The following ARHGAP5 variants were observed in gnomAD, a reference collection of about 807,000 sequenced individuals.
The protein encoded by ARHGAP5 is Rho GTPase activating protein 5, also known as rho GTPase-activating protein 5.
ARHGAP5 carries 23 observed loss-of-function variants against 116.6 expected under a neutral mutation model. That is an observed-to-expected ratio of 0.20 (90% CI 0.14 to 0.28). The LOEUF is 0.28. ARHGAP5 is among the 10% of genes least tolerant of loss of function. The pLI, the probability that ARHGAP5 is intolerant of heterozygous loss-of-function variation, is 1.00. For synonymous variants in ARHGAP5, 574 were observed against 602.0 expected, an observed-to-expected ratio of 0.95 and a Z score of 0.68; for missense variants, 1,405 against 1,774.8, an observed-to-expected ratio of 0.79 and a Z score of 3.74.
At chr14:32,114,202 TG>T (rs1467882673) in intron 2 of ARHGAP5, among the ~76,000 whole-genome samples, 1 of 151,008 alleles carries the variant, frequency 6.6e-6, no homozygotes, top group Non-Finnish European at 1.5e-5. Context: ...CACTCCAGCC[TG>T]GGCCACAGAG....
chr14:32,095,259 G>A (rs1878463781), intron 2 of ARHGAP5, among the ~76,000 whole-genome samples: 1 of 152,054 alleles, frequency 6.6e-6, no homozygotes, highest in East Asian at 1.9e-4. Flanking sequence ...GATATTTTGA[G>A]TAAGCTTATT....
intron 3 of ARHGAP5, among the ~76,000 whole-genome samples, chr14:32,134,054 A>G (rs575447113): frequency 2.0e-5 from 3 of 152,294 alleles, no homozygotes; most frequent in South Asian, 4.1e-4. Flanking sequence ...CTTGATGAAC[A>G]TCAATGCAAA....
rs922383834 is a variant in ARHGAP5, at chr14:32,159,413, A to G, written c.*4465A>G. 1 of 151,926 alleles carries G rather than the reference A, an allele frequency of 6.6e-6. No homozygotes were observed. The highest frequency in any genetic ancestry group is 1.5e-5 in the Non-Finnish European group (1 of 67,960). The allele number at this position is 151,926 out of a possible 1,614,324, so 9.4% of individuals were successfully genotyped here. A position where few individuals can be genotyped will look rare whatever the true frequency, so the allele number is the denominator to read the frequency against. ...ATTTTAGTTAAGATTTAGTGTTTTA[A>G]CCTATTTTTTTAAGTTTATTTTTTG... On this transcript the variant is annotated 3_prime_UTR_variant, in exon 7 of 7. Transcript: ENST00000345122.
intron 1 of ARHGAP5, among the ~76,000 whole-genome samples, chr14:32,079,046 GGTAA>G (rs1352776280): frequency 2.0e-5 from 3 of 152,124 alleles, no homozygotes; most frequent in East Asian, 3.8e-4. Flanking sequence ...TACAAAGAGC[GGTAA>G]GTATGTGTCA....
chr14:32,128,382 A>C (rs7157301), intron 3 of ARHGAP5, among the ~76,000 whole-genome samples: 1 of 152,224 alleles, frequency 6.6e-6, no homozygotes, highest in Admixed American at 6.5e-5. Context: ...GCACTCCAGC[A>C]TGGGCTGGGC....
chr14:32,109,478 A>G (rs1232062460), intron 2 of ARHGAP5, among the ~76,000 whole-genome samples: 2 of 151,976 alleles, frequency 1.3e-5, no homozygotes, highest in Non-Finnish European at 2.9e-5. Context: ...CTCCCTTTAT[A>G]TAGGGTAGGT....
chr14:32,092,381 T>C lies in ARHGAP5; in HGVS notation c.1712T>C (p.Leu571Ser). The C allele has an allele frequency of 6.2e-7, 1 of 1,613,482 alleles. No individual in the cohort carries two copies. The highest frequency in any genetic ancestry group is 1.1e-5 in the South Asian group (1 of 90,960). The change falls in exon 2 of 7, where the codon TTA (leucine) becomes TCA (serine). Residue 571 changes from leucine (L) to serine (S), a missense_variant. Around this residue, in one of 6 missense-constraint regions of ARHGAP5, gnomAD observed 944 missense variants for 1,095.3 expected, o/e 0.86. Transcript: ENST00000345122. The surrounding 1 kb of genome is among the most constrained non-coding windows in gnomAD (Gnocchi z 4.1). ...TGTACAGACATTAAAGTGGAGCAGT[T>C]ACTTGCTAGTAGTCTTTTACAGTTG... ...QNCTDIKVEQLLASSLLQLDH... is the reference protein window; with the variant it reads ...QNCTDIKVEQSLASSLLQLDH...
intron 2 of ARHGAP5, among the ~76,000 whole-genome samples, chr14:32,106,616 T>C (rs1879033664): frequency 6.6e-6 from 1 of 152,218 alleles, no homozygotes; most frequent in South Asian, 2.1e-4. Context: ...CCGTACAAAG[T>C]GTATTTGTAA....
At chr14:32,115,989 C>T (rs1287039060) in intron 2 of ARHGAP5, among the ~76,000 whole-genome samples, 2 of 146,422 alleles carry the variant, frequency 1.4e-5, no homozygotes, top group Non-Finnish European at 3.0e-5. Context: ...AGCGAGACTC[C>T]GTCTAAAAAA....
chr14:32,084,312 C>G (rs2041807539), intron 1 of ARHGAP5, among the ~76,000 whole-genome samples: 1 of 152,148 alleles, frequency 6.6e-6, no homozygotes. Flanking sequence ...TGAAGTACTA[C>G]ACACCTTTAG....
intron 2 of ARHGAP5, among the ~76,000 whole-genome samples, chr14:32,107,788 C>G (rs1879083993): frequency 6.6e-6 from 1 of 152,114 alleles, no homozygotes; most frequent in African/African-American, 2.4e-5. Context: ...GTAGAAGTAT[C>G]AAAGTCTAAA....
chr14:32,149,554 G>C (rs995397064), intron 4 of ARHGAP5, among the ~76,000 whole-genome samples: 1 of 152,014 alleles, frequency 6.6e-6, no homozygotes, highest in African/African-American at 2.4e-5. Context: ...TGGATCACCT[G>C]AGGGTCAGGA....
rs1459455614 is a variant in ARHGAP5, at chr14:32,077,613, GGCA to G, written c.-169+184_-169+186del. ...GCGCTCGGTTTTCGCAGGCCGGGCG[GGCA>G]GCAGCTGCAGCGTTAGGGATACGTT... On this transcript the variant is annotated intron_variant, in intron 1 of 6. Coordinates refer to ENST00000345122, the MANE Select transcript of ARHGAP5 (RefSeq NM_001030055.2). Among the ~76,000 whole-genome samples, 4 of 152,208 alleles carry G rather than the reference GGCA, an allele frequency of 2.6e-5. 1 individual carries two copies. Among genetic ancestry groups the G allele is most frequent in the Non-Finnish European group, 5.9e-5 (4 of 68,034 alleles).
chr14:32,145,141 C>T (rs1253826785), intron 3 of ARHGAP5, among the ~76,000 whole-genome samples: 1 of 152,228 alleles, frequency 6.6e-6, no homozygotes, highest in East Asian at 1.9e-4. Context: ...GAAGTTCAGA[C>T]TCCTGTTGGC....
intron 1 of ARHGAP5, among the ~76,000 whole-genome samples, chr14:32,085,464 A>G (rs2041819466): frequency 6.6e-6 from 1 of 152,104 alleles, no homozygotes; most frequent in African/African-American, 2.4e-5. Context: ...AACAAACAAA[A>G]AACAGTAAAG....
intron 3 of ARHGAP5, among the ~76,000 whole-genome samples, chr14:32,129,134 G>C (rs1288589731): frequency 6.6e-6 from 1 of 152,226 alleles, no homozygotes; most frequent in African/African-American, 2.4e-5. Flanking sequence ...ACATATGGCA[G>C]AGTTAAATTG....
chr14:32,131,631 C>T (rs1461642151), intron 3 of ARHGAP5, among the ~76,000 whole-genome samples: 6 of 152,050 alleles, frequency 3.9e-5, no homozygotes, highest in South Asian at 2.1e-4. Flanking sequence ...ATGTGCACAA[C>T]GTGCAGGTTT....
chr14:32,091,916 A>G lies in ARHGAP5; in HGVS notation c.1247A>G (p.Asn416Ser), dbSNP rs779323119. ...STLEAEKVYQ[N>S]HVQHLISEKR... ...TTAGAAGCTGAAAAAGTCTATCAGA[A>G]CCATGTACAGCATCTGATATCCGAG... The change falls in exon 2 of 7, where the codon AAC becomes AGC. Residue 416 changes from asparagine (N) to serine (S), a missense_variant. This residue lies in a region of ARHGAP5 where 944 missense variants were observed against 1,095.3 expected (regional missense o/e 0.86). Transcript: ENST00000345122. 17 of 1,613,604 alleles carry G rather than the reference A, an allele frequency of 1.1e-5. No individual in the cohort carries two copies. The highest frequency in any genetic ancestry group is 5.0e-5 in the Admixed American group (3 of 59,980).
chr14:32,097,883 AT>A (rs1366430935), intron 2 of ARHGAP5, among the ~76,000 whole-genome samples: 5 of 152,240 alleles, frequency 3.3e-5, no homozygotes, highest in Non-Finnish European at 7.3e-5. Flanking sequence ...AACATGACAG[AT>A]TATCAAGTCC....
Sources: gnomAD v4.1 joint callset for allele counts (sites outside exome capture counted in the v4.1 genomes callset) on GRCh38, gnomAD v4.1.1 for gene constraint, gnomAD v4.1.1 regional missense constraint, Gnocchi (gnomAD v3.1) non-coding constraint, MANE v1.5 for transcripts, NCBI Gene and HGNC (gene_info 2026-07-23, HGNC 2026-07-21) for gene names.